The following PRKG1 variants were observed in gnomAD, a reference collection of about 807,000 sequenced individuals.
PRKG1 encodes protein kinase cGMP-dependent 1.
Under a neutral mutation model 88.1 loss-of-function variants are expected in PRKG1, and 35 were observed. The ratio of observed to expected loss-of-function variants is 0.40; its 90% confidence interval spans 0.30 to 0.53. The LOEUF (loss-of-function observed/expected upper bound fraction) is 0.53. PRKG1 is among the 20% of genes least tolerant of loss of function. The pLI, the probability that PRKG1 is intolerant of heterozygous loss-of-function variation, is 0.59. For synonymous variants in PRKG1, 303 were observed against 292.5 expected (o/e 1.04, Z -0.37); for missense variants, 540 against 839.8 (o/e 0.64, Z 4.41).
At chr10:51,788,886 G>A (rs1838797559) in intron 3 of PRKG1, among the ~76,000 whole-genome samples, 2 of 152,150 alleles carry the variant, frequency 1.3e-5, no homozygotes, top group African/African-American at 4.8e-5. Context: ...CAAGAAATGA[G>A]ATTAATTAAG....
chr10:52,233,639 C>A (rs1459086151), intron 9 of PRKG1, among the ~76,000 whole-genome samples: 1 of 144,536 alleles, frequency 6.9e-6, no homozygotes, highest in East Asian at 2.1e-4. Flanking sequence ...GAGACTATAT[C>A]CCACACCTGG....
At chr10:51,674,289 T>G (rs768448313) in intron 3 of PRKG1, among the ~76,000 whole-genome samples, 1 of 152,038 alleles carries the variant, frequency 6.6e-6, no homozygotes, top group Non-Finnish European at 1.5e-5. Flanking sequence ...CAACCTGTCA[T>G]GTACATTAGG....
chr10:51,816,867 T>A (rs756831438), intron 4 of PRKG1, among the ~76,000 whole-genome samples: 8 of 152,160 alleles, frequency 5.3e-5, no homozygotes, highest in Non-Finnish European at 2.9e-5. Context: ...AACATTGTAT[T>A]CCAGGTTTGG....
At chr10:51,483,009 C>CTTTTTTTTTTT (rs149140774) in intron 3 of PRKG1, among the ~76,000 whole-genome samples, 12 of 110,480 alleles carry the variant, frequency 1.1e-4, no homozygotes, top group African/African-American at 2.4e-4. Flanking sequence ...TCTTTTCTTT[C>CTTTTTTTTTTT]TTTTTTTTTT....
intron 9 of PRKG1, among the ~76,000 whole-genome samples, chr10:52,205,154 T>A (rs1839784941): frequency 6.6e-6 from 1 of 152,124 alleles, no homozygotes; most frequent in South Asian, 2.1e-4. Context: ...TCTCTGCTCT[T>A]GAACCCTGAC....
At chr10:51,960,908 T>G (rs546590437) in intron 5 of PRKG1, among the ~76,000 whole-genome samples, 1 of 152,110 alleles carries the variant, frequency 6.6e-6, no homozygotes, top group Non-Finnish European at 1.5e-5. Context: ...GCAAATTGTT[T>G]TATATGCCAT....
intron 1 of PRKG1, among the ~76,000 whole-genome samples, chr10:51,102,712 A>G (rs933435500): frequency 1.3e-5 from 2 of 152,180 alleles, no homozygotes; most frequent in South Asian, 2.1e-4. Context: ...TGCAAGGACC[A>G]TAGTTAACAA....
chr10:52,111,885 G>A (rs935261998), intron 7 of PRKG1, among the ~76,000 whole-genome samples: 4 of 151,914 alleles, frequency 2.6e-5, no homozygotes, highest in Admixed American at 1.3e-4. Context: ...TCTTCTTCTC[G>A]CATACTACTT....
At chr10:51,947,251 G>A (rs973394752) in intron 5 of PRKG1, among the ~76,000 whole-genome samples, 28 of 152,148 alleles carry the variant, frequency 1.8e-4, no homozygotes, top group South Asian at 8.3e-4. Flanking sequence ...CTCCGTGGGC[G>A]TAGGACCCTC....
chr10:51,685,585 A>C (rs12413300), intron 3 of PRKG1, among the ~76,000 whole-genome samples: 15,042 of 152,234 alleles, frequency 0.099, 878 homozygotes, highest in Admixed American at 0.13. Context: ...CACTGTGTAA[A>C]TTAAAATGCC....
intron 3 of PRKG1, among the ~76,000 whole-genome samples, chr10:51,750,722 A>T (rs1837702494): frequency 6.6e-6 from 1 of 152,162 alleles, no homozygotes; most frequent in African/African-American, 2.4e-5. Flanking sequence ...TCTCTTTCAA[A>T]AGCATTTTCT....
intron 2 of PRKG1, among the ~76,000 whole-genome samples, chr10:51,232,665 C>T (rs1223008129): frequency 1.3e-5 from 2 of 152,094 alleles, no homozygotes; most frequent in East Asian, 3.8e-4. Context: ...AAAAAAAATT[C>T]TTGACAAAAG....
intron 1 of PRKG1, among the ~76,000 whole-genome samples, chr10:51,043,070 C>T (rs866990258): frequency 1.3e-5 from 2 of 152,078 alleles, no homozygotes; most frequent in African/African-American, 4.8e-5. Context: ...ATAGCATCCC[C>T]AATAGACTAA....
intron 3 of PRKG1, among the ~76,000 whole-genome samples, chr10:51,488,710 A>G (rs149343984): frequency 0.013 from 2,046 of 152,236 alleles, 21 homozygotes; most frequent in Non-Finnish European, 0.021. Context: ...ACACACACAC[A>G]TCATCTAGAC....
At chr10:52,072,159 T>TTTTTTTTTTTTTTTTTTC (rs1846515947) in intron 7 of PRKG1, among the ~76,000 whole-genome samples, 1 of 5,760 alleles carries the variant, frequency 1.7e-4, no homozygotes, top group Non-Finnish European at 1.5e-3. Flanking sequence ...ATTGTTTTGC[T>TTTTTTTTTTTTTTTTTTC]TTTTTTTTTT....
At chr10:51,407,846 G>T (rs1837963478) in intron 2 of PRKG1, among the ~76,000 whole-genome samples, 1 of 152,136 alleles carries the variant, frequency 6.6e-6, no homozygotes, top group Admixed American at 6.5e-5. Flanking sequence ...GTAGTAGACT[G>T]ATTTCATCTT....
intron 3 of PRKG1, among the ~76,000 whole-genome samples, chr10:51,630,056 G>A (rs370247692): frequency 5.9e-5 from 9 of 152,266 alleles, no homozygotes; most frequent in South Asian, 2.1e-4. Flanking sequence ...GGTTGAAAAC[G>A]TCACACAAGT....
At chr10:51,250,984 A>G (rs975109350) in intron 2 of PRKG1, among the ~76,000 whole-genome samples, 6 of 151,572 alleles carry the variant, frequency 4.0e-5, no homozygotes, top group Admixed American at 3.3e-4. Flanking sequence ...TTTTTATGTT[A>G]TTGTGTATTG....
intron 5 of PRKG1, among the ~76,000 whole-genome samples, chr10:52,035,878 C>T (rs1216513486): frequency 1.3e-5 from 2 of 152,268 alleles, no homozygotes; most frequent in East Asian, 3.9e-4. Context: ...TAGGCTAAAA[C>T]AGTAAGGTCA....
Sources: gnomAD v4.1 joint callset for allele counts (sites outside exome capture counted in the v4.1 genomes callset) on GRCh38, gnomAD v4.1.1 for gene constraint, MANE v1.5 for transcripts, NCBI Gene and HGNC (gene_info 2026-07-23, HGNC 2026-07-21) for gene names.